Variants in OSBPL11 observed in about 807,000 individuals in gnomAD.
OSBPL11 encodes the protein oxysterol-binding protein-related protein 11.
A neutral mutation model predicts 84.4 loss-of-function variants in OSBPL11; 33 were observed. That is an observed-to-expected ratio of 0.39 (90% CI 0.30 to 0.52). The LOEUF is 0.52. Ranked by LOEUF, OSBPL11 falls within the 20% of genes least tolerant of loss-of-function variation. The probability of loss-of-function intolerance (pLI) is 0.72; values close to 1 mark genes in which losing one functional copy is unlikely to be tolerated. For missense variants in OSBPL11, 736 were observed against 901.1 expected, an observed-to-expected ratio of 0.82 and a Z score of 2.35; for synonymous variants, 276 against 310.2, an observed-to-expected ratio of 0.89 and a Z score of 1.16.
chr3:125,593,262 G>C (rs560648168), intron 1 of OSBPL11, among the ~76,000 whole-genome samples: 12 of 152,226 alleles, frequency 7.9e-5, no homozygotes, highest in Non-Finnish European at 1.5e-4. Context: ...GATTCCAAAA[G>C]CGGGCCTAGA....
At chr3:125,564,134 A>G (rs1374804813) in intron 6 of OSBPL11, among the ~76,000 whole-genome samples, 1 of 152,218 alleles carries the variant, frequency 6.6e-6, no homozygotes, top group African/African-American at 2.4e-5. Context: ...TATATTCCCA[A>G]CCTAACAGTT....
At chr3:125,543,349 C>A (rs1381312877) in intron 10 of OSBPL11, among the ~76,000 whole-genome samples, 1 of 150,926 alleles carries the variant, frequency 6.6e-6, no homozygotes, top group Admixed American at 6.6e-5. Context: ...CCAGGCTGGT[C>A]TTGAACTCCT....
chr3:125,538,072 T>G (rs1935668173), intron 11 of OSBPL11, among the ~76,000 whole-genome samples: 1 of 152,246 alleles, frequency 6.6e-6, no homozygotes, highest in Non-Finnish European at 1.5e-5. Context: ...GTTGAGCATT[T>G]AAGATGTTCC....
At chr3:125,583,527 G>A (rs4557111) in intron 1 of OSBPL11, among the ~76,000 whole-genome samples, 130 of 140,436 alleles carry the variant, frequency 9.3e-4, no homozygotes, top group African/African-American at 3.3e-3. Flanking sequence ...GCTGCAATGA[G>A]CTGAGATCTC....
chr3:125,585,161 C>T (rs576757402), intron 1 of OSBPL11, among the ~76,000 whole-genome samples: 38 of 152,280 alleles, frequency 2.5e-4, no homozygotes, highest in African/African-American at 9.1e-4. Context: ...GACAGAGTCT[C>T]GCTCTTTTGC....
intron 8 of OSBPL11, among the ~76,000 whole-genome samples, chr3:125,553,801 G>A (rs193100368): frequency 6.6e-6 from 1 of 152,284 alleles, no homozygotes; most frequent in Admixed American, 6.5e-5. Flanking sequence ...AAAAGACAGT[G>A]GATGTTGCAG....
chr3:125,569,888 A>C lies in OSBPL11; in HGVS notation c.667-2293T>G, dbSNP rs545293584. ...TAGGCAAAATAAATCTATGGTGTTC[A>C]GGATAGTGAGGAAGGGTGTTGTGAT... On this transcript the variant is annotated intron_variant, in intron 5 of 12. Coordinates refer to ENST00000296220, the MANE Select transcript of OSBPL11 (RefSeq NM_022776.5). Among the ~76,000 whole-genome samples, 79 of 152,358 alleles carry C rather than the reference A, an allele frequency of 5.2e-4. 1 individual carries two copies. In the South Asian group the frequency reaches 0.014, roughly 27 times the overall value.
At chr3:125,554,318 T>C (rs1035818318) in intron 8 of OSBPL11, among the ~76,000 whole-genome samples, 1 of 152,210 alleles carries the variant, frequency 6.6e-6, no homozygotes, top group Non-Finnish European at 1.5e-5. Context: ...CCCTCTCTCA[T>C]GCAGCCTTCT....
chr3:125,548,620 G>A (rs931899463), intron 9 of OSBPL11, among the ~76,000 whole-genome samples: 1 of 151,386 alleles, frequency 6.6e-6, no homozygotes, highest in Non-Finnish European at 1.5e-5. Flanking sequence ...GGATACTAAG[G>A]ATACTCGAGC....
chr3:125,553,443 A>C (rs760986172), intron 8 of OSBPL11, among the ~76,000 whole-genome samples: 45 of 152,226 alleles, frequency 3.0e-4, no homozygotes, highest in Non-Finnish European at 6.2e-4. Context: ...ATTTCCAATA[A>C]GAGAAATTTT....
chr3:125,548,117 G>A (rs892460047), intron 9 of OSBPL11, among the ~76,000 whole-genome samples: 14 of 152,210 alleles, frequency 9.2e-5, no homozygotes, highest in African/African-American at 2.4e-4. Context: ...GACCTGAGGC[G>A]ATCCACCTGC....
Position 125,567,513 on chromosome 3 carries a change from A to C in OSBPL11, c.749T>G (p.Leu250Trp), listed in dbSNP as rs1300665392. The C allele has an allele frequency of 6.2e-7, 1 of 1,614,114 alleles. No individual in the cohort carries two copies. Residue 250 changes from leucine to tryptophan, a missense_variant, in exon 6 of 13, where the codon TTG becomes TGG. Physicochemically the swap from Leu to Trp is moderately conservative, Grantham distance 61. This residue lies in a region of OSBPL11 where 579 missense variants were observed against 717.6 expected (regional missense o/e 0.81). Coordinates refer to ENST00000296220, the MANE Select transcript of OSBPL11 (RefSeq NM_022776.5). The stretch of plus-strand genomic sequence containing the variant: ...TTTGAGCATTAAGAGATCCTGGTCC[A>C]AGGAACTAAGATGGCCAGAAGTAGG... Reference protein sequence around the residue: ...CLPTSGHLSSLDQDLLMLKAT... With the variant: ...CLPTSGHLSSWDQDLLMLKAT...
Position 125,580,996 on chromosome 3 carries a change from T to A in OSBPL11, c.234-956A>T, listed in dbSNP as rs556976244. Among the ~76,000 whole-genome samples the A allele has an allele frequency of 8.5e-5, 13 of 152,286 alleles. No individual in the cohort carries two copies. In the South Asian group the frequency reaches 2.7e-3, roughly 32 times the overall value. ...TGATACACTCTGGAAAAGAATTTGA[T>A]GAAATACTAATACACTTTGGAAAAA... On this transcript the variant is annotated intron_variant, in intron 2 of 12. Transcript: ENST00000296220.
At chr3:125,572,041 A>C (rs113160794) in intron 5 of OSBPL11, among the ~76,000 whole-genome samples, 86 of 152,252 alleles carry the variant, frequency 5.6e-4, no homozygotes, top group Admixed American at 1.8e-3. Context: ...GTGCCCTGCA[A>C]AGCCACGGGG....
Position 125,530,203 on chromosome 3 carries a change from G to C in OSBPL11, c.*312C>G, listed in dbSNP as rs1935535718. The stretch of plus-strand genomic sequence containing the variant: ...ATTGTTGTGTGTATCTGCTGCCCCT[G>C]TGCAAAAATAGGGGATTCAAACTTA... On this transcript the variant is annotated 3_prime_UTR_variant, in exon 13 of 13. Coordinates refer to ENST00000296220, the MANE Select transcript of OSBPL11 (RefSeq NM_022776.5). The C allele has an allele frequency of 6.5e-6, 2 of 308,642 alleles. No homozygotes were observed. The highest frequency in any genetic ancestry group is 4.3e-5 in the Admixed American group (1 of 23,144). The allele number at this position is 308,642 out of a possible 1,614,324, so 19.1% of individuals were successfully genotyped here. A position where few individuals can be genotyped will look rare whatever the true frequency, so the allele number is the denominator to read the frequency against.
rs1936320485 is a variant in OSBPL11, at chr3:125,576,251, T to C, written c.604A>G (p.Lys202Glu). The C allele has an allele frequency of 1.9e-6, 3 of 1,611,388 alleles. No individual in the cohort carries two copies. Among genetic ancestry groups the C allele is most frequent in the African/African-American group, 1.3e-5 (1 of 74,596 alleles). The change falls in exon 5 of 13, where the codon AAA becomes GAA. Residue 202 changes from lysine (K) to glutamate (E), a missense_variant. By Grantham distance (56) the Lys-to-Glu change is moderately conservative (BLOSUM62 1). Transcript: ENST00000296220. ...AISFFNVGHS[K>E]LQSLSKRTNL... The stretch of plus-strand genomic sequence containing the variant: ...GTTCTTTTGCTCAGTGATTGCAGTT[T>C]GGAATGTCCAACATTAAAAAAAGAA...
chr3:125,568,910 C>T (rs1053932477), intron 5 of OSBPL11, among the ~76,000 whole-genome samples: 2 of 151,866 alleles, frequency 1.3e-5, no homozygotes, highest in Non-Finnish European at 2.9e-5. Flanking sequence ...ATATAGTGGA[C>T]AGACTCTTTT....
At chr3:125,560,312 C>T (rs1024467042) in intron 8 of OSBPL11, 67 bp downstream of exon 8, 281 of 1,275,486 alleles carry the variant, frequency 2.2e-4, no homozygotes, top group Non-Finnish European at 2.6e-4. Context: ...AAAGTCCTGA[C>T]ATAAACATGA....
At chr3:125,569,422 T>C (rs1196302638) in intron 5 of OSBPL11, among the ~76,000 whole-genome samples, 3 of 152,246 alleles carry the variant, frequency 2.0e-5, no homozygotes, top group Admixed American at 6.5e-5. Context: ...GAACTGTATG[T>C]AGGTATGATG....
Sources: gnomAD v4.1 joint callset for allele counts (sites outside exome capture counted in the v4.1 genomes callset) on GRCh38, gnomAD v4.1.1 for gene constraint, gnomAD v4.1.1 regional missense constraint, MANE v1.5 for transcripts, NCBI Gene and HGNC (gene_info 2026-07-23, HGNC 2026-07-21) for gene names.